DHX29: variants seen among roughly 807,000 people sequenced by gnomAD.
DHX29 encodes the protein DExH-box helicase 29, also known as ATP-dependent RNA helicase DHX29.
DHX29 carries 79 observed loss-of-function variants against 167.9 expected under a neutral mutation model. The observed-to-expected ratio is 0.47, with a 90% confidence interval of 0.39 to 0.57. The LOEUF (loss-of-function observed/expected upper bound fraction) is 0.57, where lower values mean the gene tolerates loss of function less well. Among genes scored for constraint, DHX29 ranks in the 20% least tolerant of loss-of-function variants. The pLI is 0.00. For missense variants in DHX29, 1,347 were observed against 1,593.4 expected, an observed-to-expected ratio of 0.85 and a Z score of 2.63; for synonymous variants, 530 against 546.0, an observed-to-expected ratio of 0.97 and a Z score of 0.41.
chr5:55,301,260 C>G (rs1748583827), intron 1 of DHX29, among the ~76,000 whole-genome samples: 1 of 152,198 alleles, frequency 6.6e-6, no homozygotes, highest in Non-Finnish European at 1.5e-5. Context: ...ATGTAGCCAA[C>G]TGGACAACCT....
rs115416538 is a variant in DHX29 at position 55,287,024 on chromosome 5, T to C, written c.1067-1163A>G. 3.6e-3 allele frequency among the ~76,000 whole-genome samples: 545 copies of C among 152,346 alleles called. 2 individuals are homozygous for C. Among genetic ancestry groups the C allele is most frequent in the African/African-American group, 0.012 (500 of 41,572 alleles). On this transcript the variant is annotated intron_variant, in intron 8 of 26. Coordinates refer to ENST00000251636, the MANE Select transcript of DHX29 (RefSeq NM_019030.4). Reference sequence around the variant, plus strand: ...CTTTGTTATCTATATTAGAAGCTACTTCCTTTGATAGTACACATCATAATT... The same window carrying C: ...CTTTGTTATCTATATTAGAAGCTACCTCCTTTGATAGTACACATCATAATT...
At position 55,262,939 on chromosome 5, in the gene DHX29, T is replaced by G; in HGVS notation, c.3526-7A>C. 6.3e-7 allele frequency: 1 copy of G among 1,596,220 alleles called. No individual in the cohort carries two copies. Among genetic ancestry groups the G allele is most frequent in the Non-Finnish European group, 8.6e-7 (1 of 1,168,598 alleles). On this transcript the variant is annotated splice_polypyrimidine_tract_variant and splice_region_variant and intron_variant, in intron 23 of 26. Coordinates refer to ENST00000251636, the MANE Select transcript of DHX29 (RefSeq NM_019030.4). ...TTAACTCCTGCTTTACATCCTAGAT[T>G]GGTTTATGTTAAAAACACAAATAAT...
chr5:55,275,410 G>A (rs2198860), intron 14 of DHX29, among the ~76,000 whole-genome samples: 72,000 of 151,952 alleles, frequency 0.47, 17,833 homozygotes, highest in African/African-American at 0.62. Context: ...TTGGCTCCTG[G>A]ATTCCAATCA....
At position 55,274,202 on chromosome 5, in the gene DHX29, TG is replaced by T. The variant is rs375354475; in HGVS notation, c.2690+411del. ...TTAGCCCAAGAGTTTGAGGCCAGCC[TG>T]GGCAACAGGGGGAGACCTTGTCTCT... On this transcript the variant is annotated intron_variant, in intron 16 of 26. Coordinates refer to ENST00000251636, the MANE Select transcript of DHX29 (RefSeq NM_019030.4). Among the ~76,000 whole-genome samples, 18 of 151,958 alleles carry T rather than the reference TG, an allele frequency of 1.2e-4. No homozygotes were observed. In the South Asian group the frequency reaches 2.9e-3, roughly 25 times the overall value.
intron 26 of DHX29, among the ~76,000 whole-genome samples, chr5:55,257,680 T>A (rs959564808): frequency 6.6e-6 from 1 of 152,242 alleles, no homozygotes; most frequent in African/African-American, 2.4e-5. Context: ...TTTGGCATTC[T>A]ACCAACTTTT....
At chr5:55,275,852 G>A (rs1747086241) in intron 14 of DHX29, among the ~76,000 whole-genome samples, 3 of 152,038 alleles carry the variant, frequency 2.0e-5, no homozygotes, top group Admixed American at 6.6e-5. Context: ...CTCCTGCCAG[G>A]ACAGAGGCTA....
intron 23 of DHX29, among the ~76,000 whole-genome samples, chr5:55,265,988 AC>A (rs1170370214): frequency 6.6e-6 from 1 of 151,100 alleles, no homozygotes; most frequent in African/African-American, 2.4e-5. Flanking sequence ...TCTCCTTTCA[AC>A]TTTTTTTTTT....
At position 55,256,206 on chromosome 5, in the gene DHX29, A is replaced by G; in HGVS notation, c.*282T>C. On this transcript the variant is annotated 3_prime_UTR_variant, in exon 27 of 27. Transcript: ENST00000251636. Reference sequence around the variant, plus strand: ...ACATTAAGCTACAGATACCACAGACATAGGCCTTGCCCTTATTAACACAAC... The same window carrying G: ...ACATTAAGCTACAGATACCACAGACGTAGGCCTTGCCCTTATTAACACAAC... 4.3e-6 allele frequency: 1 copy of G among 232,726 alleles called. No homozygotes were observed. The highest frequency in any genetic ancestry group is 8.4e-6 in the Non-Finnish European group (1 of 119,366). The allele number at this position is 232,726 out of a possible 1,614,324, so 14.4% of individuals were successfully genotyped here.
chr5:55,274,944 G>C lies in DHX29; in HGVS notation c.2494C>G (p.Arg832Gly). Residue 832 changes from arginine to glycine, a missense_variant, in exon 15 of 27, where the codon CGC becomes GGC. Coordinates refer to ENST00000251636, the MANE Select transcript of DHX29 (RefSeq NM_019030.4). The stretch of plus-strand genomic sequence containing the variant: ...ATGTATAGAATAGCATGCTGAGTGC[G>C]GCTGCTGTACTTTTGGTAAAATGGA... The part of the protein sequence containing the change: ...LNPFYQKYSS[R>G]TQHAILYMNP... 6.2e-7 allele frequency: 1 copy of C among 1,613,820 alleles called. No homozygotes were observed. Among genetic ancestry groups the C allele is most frequent in the South Asian group, 1.1e-5 (1 of 91,062 alleles).
rs186802970 is a variant in DHX29, at chr5:55,293,088, G to A, written c.780+929C>T. ...CTTTCCAGATGTTTTCTTTGCTTAT[G>A]TAAAAAAGCAAATACGTAGCTATAT... On this transcript the variant is annotated intron_variant, in intron 6 of 26. Coordinates refer to ENST00000251636, the MANE Select transcript of DHX29 (RefSeq NM_019030.4). Among the ~76,000 whole-genome samples the A allele has an allele frequency of 1.5e-3, 227 of 152,220 alleles. 2 individuals are homozygous for A. The highest frequency in any genetic ancestry group is 5.3e-3 in the African/African-American group (219 of 41,532).
chr5:55,306,481 C>T (rs538653620), intron 1 of DHX29, among the ~76,000 whole-genome samples: 28 of 152,176 alleles, frequency 1.8e-4, no homozygotes, highest in Middle Eastern at 3.4e-3. Flanking sequence ...ACTGTCTTCC[C>T]TGGCTTTTCT....
At chr5:55,273,270 A>G in intron 17 of DHX29, 23 bp downstream of exon 17, 2 of 1,563,074 alleles carry the variant, frequency 1.3e-6, no homozygotes, top group Non-Finnish European at 1.7e-6. Context: ...GATCACATAT[A>G]AATTTGCTGT....
chr5:55,299,500 T>C (rs1178278395), intron 1 of DHX29, among the ~76,000 whole-genome samples: 2 of 152,138 alleles, frequency 1.3e-5, no homozygotes, highest in Non-Finnish European at 2.9e-5. Context: ...AGCAGAAATT[T>C]ATTCTCTCAC....
At chr5:55,271,694 T>C (rs1055741397) in intron 18 of DHX29, among the ~76,000 whole-genome samples, 2 of 152,232 alleles carry the variant, frequency 1.3e-5, no homozygotes, top group African/African-American at 4.8e-5. Context: ...AGAGAGGTTA[T>C]ATGTTACATT....
At chr5:55,302,637 T>C (rs557892505) in intron 1 of DHX29, among the ~76,000 whole-genome samples, 1 of 151,766 alleles carries the variant, frequency 6.6e-6, no homozygotes, top group South Asian at 2.1e-4. Flanking sequence ...ATTTACCCAG[T>C]TGAAAAGATT....
At position 55,290,841 on chromosome 5, in the gene DHX29, C is replaced by G. The variant is rs1748006534; in HGVS notation, c.781-497G>C. On this transcript the variant is annotated intron_variant, in intron 6 of 26. Transcript: ENST00000251636. ...ACCAGCCTGGCCAACATGGTAAAAC[C>G]CCGTCTCTACCAAAAATACAAAAAT... Among the ~76,000 whole-genome samples the G allele has an allele frequency of 2.0e-5, 3 of 152,046 alleles. No homozygotes were observed. In the South Asian group the frequency reaches 6.2e-4, roughly 32 times the overall value.
chr5:55,277,114 GA>G lies in DHX29; in HGVS notation c.2277del (p.Pro760LeufsTer10). ...CPILRISGRS[Y>X]PVEVFHLEDI... The stretch of plus-strand genomic sequence containing the variant: ...TTATAAAGAAAACTTACCTCAACAG[GA>G]TAACTTCTTCCTGAAATTCTGAGAA... On this transcript the variant is annotated frameshift_variant, in exon 13 of 27. Coordinates refer to ENST00000251636, the MANE Select transcript of DHX29 (RefSeq NM_019030.4). LOFTEE classifies it high-confidence loss of function. The G allele has an allele frequency of 6.2e-7, 1 of 1,608,474 alleles. No individual in the cohort carries two copies. Among genetic ancestry groups the G allele is most frequent in the Non-Finnish European group, 8.5e-7 (1 of 1,178,052 alleles).
At position 55,283,298 on chromosome 5, in the gene DHX29, T is replaced by A. The variant is rs1445221366; in HGVS notation, c.1870A>T (p.Asn624Tyr). Reference protein sequence around the residue: ...LLNEWEASKCNIVCTQPRRIS... With the variant: ...LLNEWEASKCYIVCTQPRRIS... Reference sequence around the variant, plus strand: ...CTTCGGGGTTGGGTACAGACAATGTTACATTTACTTGCTTCCCACTCATTT... The same window carrying A: ...CTTCGGGGTTGGGTACAGACAATGTAACATTTACTTGCTTCCCACTCATTT... Residue 624 changes from asparagine (N) to tyrosine (Y), a missense_variant, in exon 11 of 27, where the codon AAC becomes TAC. Physicochemically the swap from Asn to Tyr is moderately radical, Grantham distance 143. Coordinates refer to ENST00000251636, the MANE Select transcript of DHX29 (RefSeq NM_019030.4). 5.0e-6 allele frequency: 8 copies of A among 1,614,164 alleles called. No individual in the cohort carries two copies. The highest frequency in any genetic ancestry group is 5.1e-6 in the Non-Finnish European group (6 of 1,179,990).
intron 1 of DHX29, among the ~76,000 whole-genome samples, chr5:55,298,981 G>A (rs1163443740): frequency 7.2e-6 from 1 of 139,160 alleles, no homozygotes; most frequent in East Asian, 2.2e-4. Flanking sequence ...AGTGAGCCGA[G>A]ATTGCGCCAC....
Sources: gnomAD v4.1 joint callset for allele counts (sites outside exome capture counted in the v4.1 genomes callset) on GRCh38, gnomAD v4.1.1 for gene constraint, MANE v1.5 for transcripts, NCBI Gene and HGNC (gene_info 2026-07-23, HGNC 2026-07-21) for gene names.